The following TBC1D15 variants were observed in gnomAD, a reference collection of about 807,000 sequenced individuals.
TBC1D15 encodes GAP for RAB7.
A neutral mutation model predicts 95.4 loss-of-function variants in TBC1D15; 39 were observed. The observed-to-expected ratio is 0.41, with a 90% CI of 0.32 to 0.53. The LOEUF (loss-of-function observed/expected upper bound fraction) is 0.53. Among genes scored for constraint, TBC1D15 ranks in the 20% least tolerant of loss-of-function variants. The probability of loss-of-function intolerance (pLI) is 0.29; values close to 1 mark genes in which losing one functional copy is unlikely to be tolerated. For missense variants in TBC1D15, 733 were observed against 794.3 expected (o/e 0.92, Z 0.93); for synonymous variants, 258 against 261.3 (o/e 0.99, Z 0.12).
intron 11 of TBC1D15, 127 bp downstream of exon 11, chr12:71,907,265 G>A (rs975129635): frequency 1.4e-5 from 8 of 554,978 alleles, no homozygotes; most frequent in Non-Finnish European, 2.1e-5. Context: ...GTTCTCCAGG[G>A]GACTGGAAAC....
chr12:71,915,731 A>G (rs1903558704), intron 12 of TBC1D15, among the ~76,000 whole-genome samples: 1 of 152,006 alleles, frequency 6.6e-6, no homozygotes, highest in Non-Finnish European at 1.5e-5. Context: ...TGCCTTTTCC[A>G]TTAAGGATGT....
In TBC1D15 at chr12:71,923,113, C is replaced by T. The variant is rs1488579001; in HGVS notation, c.1934C>T (p.Ala645Val). Reference protein sequence around the residue: ...PCPTSAFQSNALPTLSASGAR... With the variant: ...PCPTSAFQSNVLPTLSASGAR... ...CCTACATCTGCATTTCAAAGTAATG[C>T]CTTGCCTACACTCTCTGCCAGTGGA... The change falls in exon 17 of 17, where the codon GCC (alanine) becomes GTC (valine). Residue 645 changes from alanine to valine, a missense_variant. Coordinates refer to ENST00000485960, the MANE Select transcript of TBC1D15 (RefSeq NM_001146213.3). 2 of 1,614,128 alleles carry T rather than the reference C, an allele frequency of 1.2e-6. No individual in the cohort carries two copies. Among genetic ancestry groups the T allele is most frequent in the Admixed American group, 3.3e-5 (2 of 60,016 alleles).
chr12:71,884,427 C>T (rs908107190), intron 4 of TBC1D15, among the ~76,000 whole-genome samples: 1 of 152,024 alleles, frequency 6.6e-6, no homozygotes, highest in African/African-American at 2.4e-5. Context: ...GTATAATTAT[C>T]TCCATTTTAC....
intron 1 of TBC1D15, among the ~76,000 whole-genome samples, chr12:71,854,091 A>T (rs1428563044): frequency 6.6e-6 from 1 of 152,136 alleles, no homozygotes; most frequent in African/African-American, 2.4e-5. Flanking sequence ...TCCTCACTGG[A>T]CACCTTCTGA....
intron 3 of TBC1D15, among the ~76,000 whole-genome samples, chr12:71,878,079 T>C (rs2138419655): frequency 6.6e-6 from 1 of 152,312 alleles, no homozygotes; most frequent in Admixed American, 6.5e-5. Flanking sequence ...GCTAGTAGAT[T>C]TGACAAGAAT....
chr12:71,911,724 G>A lies in TBC1D15; in HGVS notation c.1301-2102G>A, dbSNP rs1348631119. ...ACCAGCATGGCACATGTATACATAT[G>A]TAACTAACCTGCACATTGTGCACAT... On this transcript the variant is annotated intron_variant, in intron 11 of 16. Coordinates refer to ENST00000485960, the MANE Select transcript of TBC1D15 (RefSeq NM_001146213.3). Among the ~76,000 whole-genome samples, 7 of 151,982 alleles carry A rather than the reference G, an allele frequency of 4.6e-5. No individual in the cohort carries two copies. In the East Asian group the frequency reaches 1.4e-3, roughly 29 times the overall value.
chr12:71,920,961 T>C, intron 15 of TBC1D15, 114 bp downstream of exon 15: 1 of 743,948 alleles, frequency 1.3e-6, no homozygotes, highest in South Asian at 1.8e-5. Flanking sequence ...TTAAATTGTG[T>C]CAATAACAGT....
In TBC1D15 at chr12:71,920,715, C is replaced by A. The variant is rs371656327; in HGVS notation, c.1600-16C>A. 6 of 1,580,278 alleles carry A rather than the reference C, an allele frequency of 3.8e-6. No individual in the cohort carries two copies. In the Admixed American group the frequency reaches 6.7e-5, roughly 18 times the overall value. ...AATTGATACAATTTGCAAAATAGTT[C>A]TTCTGCCTTCTATAGGTAATGTGGA... is the stretch of plus-strand genomic sequence containing the variant. On this transcript the variant is annotated splice_polypyrimidine_tract_variant and intron_variant, in intron 14 of 16. Coordinates refer to ENST00000485960, the MANE Select transcript of TBC1D15 (RefSeq NM_001146213.3).
chr12:71,908,671 AACCT>A (rs1314952542), intron 11 of TBC1D15, among the ~76,000 whole-genome samples: 2 of 152,186 alleles, frequency 1.3e-5, no homozygotes, highest in African/African-American at 4.8e-5. Context: ...TGTCTATGAG[AACCT>A]ATAATGAGCT....
chr12:71,842,441 C>T (rs566494302), intron 1 of TBC1D15, among the ~76,000 whole-genome samples: 2 of 152,282 alleles, frequency 1.3e-5, no homozygotes, highest in Admixed American at 6.5e-5. Flanking sequence ...CTGAACTAAT[C>T]ATCATGAGGT....
At position 71,923,101 on chromosome 12, in the gene TBC1D15, T is replaced by G; in HGVS notation, c.1922T>G (p.Phe641Cys). The G allele has an allele frequency of 6.2e-7, 1 of 1,614,160 alleles. No individual in the cohort carries two copies. The highest frequency in any genetic ancestry group is 1.1e-5 in the South Asian group (1 of 91,084). The change falls in exon 17 of 17, where the codon TTT (phenylalanine) becomes TGT (cysteine). Residue 641 changes from phenylalanine (F) to cysteine (C), a missense_variant. Coordinates refer to ENST00000485960, the MANE Select transcript of TBC1D15 (RefSeq NM_001146213.3). ...VVMTPCPTSA[F>C]QSNALPTLSA... ...ATGACTCCTTGTCCTACATCTGCATTTCAAAGTAATGCCTTGCCTACACTC... is the reference window on the plus strand; with the variant it reads ...ATGACTCCTTGTCCTACATCTGCATGTCAAAGTAATGCCTTGCCTACACTC...
intron 11 of TBC1D15, chr12:71,907,617 T>A (rs767912439): frequency 3.3e-5 from 5 of 152,322 alleles, no homozygotes; most frequent in Non-Finnish European, 5.9e-5. Flanking sequence ...TGAATACTTA[T>A]TCAGTTGTTT....
intron 4 of TBC1D15, 67 bp downstream of exon 4, chr12:71,880,674 A>G (rs184601226): frequency 1.5e-4 from 217 of 1,475,132 alleles, no homozygotes; most frequent in Non-Finnish European, 9.9e-6. Context: ...AAAAATGCAA[A>G]GAAGATTCGT....
At chr12:71,884,182 C>G (rs1174644410) in intron 4 of TBC1D15, among the ~76,000 whole-genome samples, 2 of 152,062 alleles carry the variant, frequency 1.3e-5, no homozygotes, top group Non-Finnish European at 2.9e-5. Flanking sequence ...TTTTTTATAT[C>G]AGTATGCTTA....
chr12:71,885,030 C>T lies in TBC1D15; in HGVS notation c.554+9C>T. 1 of 1,611,034 alleles carries T rather than the reference C, an allele frequency of 6.2e-7. No individual in the cohort carries two copies. The highest frequency in any genetic ancestry group is 8.5e-7 in the Non-Finnish European group (1 of 1,178,058). On this transcript the variant is annotated intron_variant, in intron 5 of 16. Transcript: ENST00000485960. ...TATGTGGTATTGTGTGAGTAAGTATCATATTATTTTCTACTTATTGAAACC... is the reference window on the plus strand; with the variant it reads ...TATGTGGTATTGTGTGAGTAAGTATTATATTATTTTCTACTTATTGAAACC...
At chr12:71,917,863 G>T in intron 13 of TBC1D15, 66 bp downstream of exon 13, 7 of 1,124,512 alleles carry the variant, frequency 6.2e-6, no homozygotes, top group South Asian at 2.7e-5. Flanking sequence ...AAAATGTAAA[G>T]AACTCTTTAA....
intron 1 of TBC1D15, among the ~76,000 whole-genome samples, chr12:71,855,900 A>T (rs1202479000): frequency 6.9e-6 from 1 of 145,952 alleles, no homozygotes; most frequent in Non-Finnish European, 1.5e-5. Flanking sequence ...TGTTTTTCTT[A>T]ATCAGTTGCA....
chr12:71,901,379 A>AGAAAGTCTG (rs1456665170), intron 10 of TBC1D15, among the ~76,000 whole-genome samples: 50 of 152,226 alleles, frequency 3.3e-4, no homozygotes, highest in South Asian at 2.1e-4. Flanking sequence ...CTGTTAGAGA[A>AGAAAGTCTG]GAAAGTCTGG....
intron 1 of TBC1D15, among the ~76,000 whole-genome samples, chr12:71,840,436 C>G (rs371861117): frequency 2.6e-5 from 4 of 152,154 alleles, no homozygotes; most frequent in African/African-American, 4.8e-5. Context: ...TATTTATTTC[C>G]TAGGCATTTC....
Sources: allele counts gnomAD v4.1 joint callset (sites outside exome capture counted in the v4.1 genomes callset), GRCh38; gene constraint gnomAD v4.1.1; transcripts MANE v1.5; gene names NCBI Gene and HGNC (gene_info 2026-07-23, HGNC 2026-07-21).